Variants in SH2B1 observed in about 807,000 individuals in gnomAD.
SH2B1 encodes SH2B adapter protein 1.
In SH2B1, 15 loss-of-function variants were observed where a neutral mutation model predicts 62.6. The ratio of observed to expected loss-of-function variants is 0.24; its 90% CI spans 0.16 to 0.37. SH2B1 has a LOEUF of 0.37. Among genes scored for constraint, SH2B1 ranks in the 10% least tolerant of loss-of-function variants. The probability of loss-of-function intolerance (pLI) is 1.00; values close to 1 mark genes in which losing one functional copy is unlikely to be tolerated. For synonymous variants in SH2B1, 443 were observed against 438.0 expected (o/e 1.01, Z -0.14); for missense variants, 925 against 1,015.6 (o/e 0.91, Z 1.21).
chr16:28,859,152 C>T (rs1026167454), upstream of SH2B1, among the ~76,000 whole-genome samples: 4 of 151,934 alleles, frequency 2.6e-5, no homozygotes, highest in African/African-American at 9.7e-5. Flanking sequence ...CCATGTTGCC[C>T]AGGCTGGTCT....
intron 1 of SH2B1, among the ~76,000 whole-genome samples, chr16:28,851,273 CCCTCT>C (rs986088152): frequency 7.2e-5 from 11 of 151,982 alleles, no homozygotes; most frequent in Admixed American, 4.6e-4. Flanking sequence ...TTCTCCCCTC[CCCTCT>C]CCCCACACCT....
At chr16:28,863,636 A>C, upstream of SH2B1, 1 of 1,515,082 alleles carries the variant, frequency 6.6e-7, no homozygotes, top group East Asian at 2.4e-5. Flanking sequence ...GGATCCAAGC[A>C]CTTCCCCCGC....
rs1962549789 is a variant in SH2B1, at chr16:28,864,055, C to T, written c.-2040C>T. 1.6e-5 allele frequency: 22 copies of T among 1,367,604 alleles called. No homozygotes were observed. The highest frequency in any genetic ancestry group is 2.0e-5 in the Non-Finnish European group (21 of 1,057,724). 84.7% of individuals were successfully genotyped at this position (1,367,604 alleles called of 1,614,324 possible). On this transcript the variant is annotated 5_prime_UTR_variant, in exon 1 of 8. Transcript: ENST00000684370. ...GGGGGTGGGCGTGGAGGGCCGGGGG[C>T]TGGAGAGGCACTCGGCCCCGGAGAG...
intron 1 of SH2B1, among the ~76,000 whole-genome samples, chr16:28,852,771 TATA>T (rs1567459174): frequency 2.0e-4 from 13 of 64,446 alleles, no homozygotes; most frequent in South Asian, 5.7e-4. Context: ...TATATATATT[TATA>T]TATATATTTA....
intron 1 of SH2B1, among the ~76,000 whole-genome samples, chr16:28,851,881 A>C (rs892546885): frequency 1.3e-5 from 2 of 150,598 alleles, no homozygotes; most frequent in Non-Finnish European, 3.0e-5. Context: ...AGTCTGACCA[A>C]CATGGTGAAA....
intron 1 of SH2B1, among the ~76,000 whole-genome samples, chr16:28,849,137 T>C (rs912695440): frequency 6.6e-6 from 1 of 152,214 alleles, no homozygotes; most frequent in African/African-American, 2.4e-5. Flanking sequence ...AGAGCCTTGC[T>C]GGGTCTCCTA....
Position 28,852,930 on chromosome 16 carries a change from A to ATATATATGTACATATATATTT in SH2B1, c.-301+6123_-301+6143dup, listed in dbSNP as rs1197214658. ...TATACATGTACATATATATATTTTT[A>ATATATATGTACATATATATTT]TATATATGTACATATATATTTTATA... is the stretch of plus-strand genomic sequence containing the variant. On this transcript the variant is annotated intron_variant, in intron 1 of 10. Transcript: ENST00000322610. 2.2e-3 allele frequency among the ~76,000 whole-genome samples: 105 copies of ATATATATGTACATATATATTT among 47,944 alleles called. 12 individuals carry two copies. The highest frequency in any genetic ancestry group is 4.0e-3 in the Non-Finnish European group (95 of 23,954). 31.5% of individuals were successfully genotyped at this position (47,944 alleles called of 152,430 possible).
upstream of SH2B1, chr16:28,863,715 C>T (rs762564790): frequency 6.5e-7 from 1 of 1,535,802 alleles, no homozygotes; most frequent in South Asian, 1.2e-5. Context: ...ACACCGTCTT[C>T]GGTCTCCTGG....
At chr16:28,852,427 CAT>C (rs1352026574) in intron 1 of SH2B1, among the ~76,000 whole-genome samples, 1 of 90,736 alleles carries the variant, frequency 1.1e-5, no homozygotes, top group African/African-American at 4.7e-5. Flanking sequence ...TATATATTTA[CAT>C]ATATATTTAT....
At chr16:28,855,264 G>C (rs1304319692) in intron 1 of SH2B1, among the ~76,000 whole-genome samples, 1 of 151,764 alleles carries the variant, frequency 6.6e-6, no homozygotes, top group African/African-American at 2.4e-5. Flanking sequence ...CTATCACCCA[G>C]GCTGGAGTGC....
At position 28,869,215 on chromosome 16, in the gene SH2B1, C is replaced by T; in HGVS notation, c.1141C>T (p.Pro381Ser). Residue 381 changes from proline (P) to serine (S), a missense_variant, in exon 4 of 8, where the codon CCT (proline) becomes TCT (serine). Pro to Ser is a moderately conservative substitution (Grantham distance 74). Around this residue, in one of 3 missense-constraint regions of SH2B1, gnomAD observed 683 missense variants for 704.0 expected, o/e 0.97. Transcript: ENST00000684370. ...IQECLSPGPC[P>S]ATSPRPMTLP... Reference sequence around the variant, plus strand: ...TCTTCCCTGTCTCTGCAGACCCTGCCCTGCTACCAGTCCCCGCCCCATGAC... The same window carrying T: ...TCTTCCCTGTCTCTGCAGACCCTGCTCTGCTACCAGTCCCCGCCCCATGAC... 6.2e-7 allele frequency: 1 copy of T among 1,614,098 alleles called. No individual in the cohort carries two copies.
At chr16:28,853,252 C>T (rs1247401072) in intron 1 of SH2B1, among the ~76,000 whole-genome samples, 10 of 145,370 alleles carry the variant, frequency 6.9e-5, no homozygotes, top group African/African-American at 2.5e-4. Flanking sequence ...TATGCACACA[C>T]ACATACATAT....
At chr16:28,847,516 T>G (rs1962003388) in intron 1 of SH2B1, among the ~76,000 whole-genome samples, 1 of 152,096 alleles carries the variant, frequency 6.6e-6, no homozygotes, top group South Asian at 2.1e-4. Context: ...AACACTCTTC[T>G]AAAACTGAGA....
At chr16:28,852,188 A>G (rs538858851) in intron 1 of SH2B1, among the ~76,000 whole-genome samples, 1 of 133,916 alleles carries the variant, frequency 7.5e-6, no homozygotes, top group East Asian at 2.1e-4. Context: ...AAATATATAT[A>G]TTTTTATTTA....
chr16:28,872,528 C>A lies in SH2B1; in HGVS notation c.1726-6C>A. Reference sequence around the variant, plus strand: ...TCCTACCTCACCTCCCCCATCCCGCCCTCAGCACCTGCGTTTGTCGCTGAA... The same window carrying A: ...TCCTACCTCACCTCCCCCATCCCGCACTCAGCACCTGCGTTTGTCGCTGAA... On this transcript the variant is annotated splice_polypyrimidine_tract_variant and splice_region_variant and intron_variant, in intron 6 of 7. Transcript: ENST00000684370. The surrounding 1 kb of genome is among the most constrained non-coding windows in gnomAD (Gnocchi z 5.3). 1 of 1,608,058 alleles carries A rather than the reference C, an allele frequency of 6.2e-7. No individual in the cohort carries two copies. The highest frequency in any genetic ancestry group is 1.1e-5 in the South Asian group (1 of 90,686).
Position 28,873,113 on chromosome 16 carries a change from C to A in SH2B1, c.1898-334C>A. 8.9e-7 allele frequency: 1 copy of A among 1,118,892 alleles called. No individual in the cohort carries two copies. The highest frequency in any genetic ancestry group is 1.3e-6 in the Non-Finnish European group (1 of 790,354). 69.3% of individuals were successfully genotyped at this position (1,118,892 alleles called of 1,614,324 possible). Reference sequence around the variant, plus strand: ...TCAATGTCTCATGTCCCTGTCTGATCTCTCCCTTTCCCCTGCCCCACCGTC... The same window carrying A: ...TCAATGTCTCATGTCCCTGTCTGATATCTCCCTTTCCCCTGCCCCACCGTC... On this transcript the variant is annotated intron_variant, in intron 7 of 7. Transcript: ENST00000684370. The surrounding 1 kb of genome is among the most constrained non-coding windows in gnomAD (Gnocchi z 4.2).
chr16:28,870,649 T>C (rs569500755), intron 4 of SH2B1, among the ~76,000 whole-genome samples: 4 of 151,936 alleles, frequency 2.6e-5, no homozygotes, highest in Admixed American at 1.3e-4. Context: ...TTTTTTTGTT[T>C]GTGTGTTTAA....
intron 1 of SH2B1, among the ~76,000 whole-genome samples, chr16:28,852,346 ATATATTTATATATATATTTATATATATT>A (rs1962135854): frequency 1.2e-5 from 1 of 80,310 alleles, no homozygotes; most frequent in African/African-American, 6.1e-5. Context: ...ATATTTACAT[ATATATTTATATATATATTTATATATATT>A]TACATATATT....
intron 1 of SH2B1, among the ~76,000 whole-genome samples, chr16:28,847,088 C>T (rs1961990595): frequency 6.6e-6 from 1 of 152,208 alleles, no homozygotes; most frequent in Non-Finnish European, 1.5e-5. Flanking sequence ...GCTGCCCACC[C>T]CTGTAGTCCC....
Sources: allele counts gnomAD v4.1 joint callset (sites outside exome capture counted in the v4.1 genomes callset), GRCh38; gene constraint gnomAD v4.1.1; regional missense constraint gnomAD v4.1.1; non-coding constraint Gnocchi (gnomAD v3.1); transcripts MANE v1.5; gene names NCBI Gene and HGNC (gene_info 2026-07-23, HGNC 2026-07-21).